GCGR: variants seen among roughly 807,000 people sequenced by gnomAD.
GCGR encodes the protein glucagon receptor.
In GCGR, 41 loss-of-function variants were observed where a neutral mutation model predicts 56.1. The observed-to-expected ratio is 0.73, with a 90% confidence interval of 0.57 to 0.95. The LOEUF is 0.95. Among genes scored for constraint, GCGR ranks in the 40% least tolerant of loss-of-function variants. The pLI is 0.00. For missense variants in GCGR, 595 were observed against 638.2 expected (o/e 0.93, Z 0.73); for synonymous variants, 278 against 271.1 (o/e 1.03, Z -0.25).
chr17:81,811,401 C>T lies in GCGR; in HGVS notation c.501-3C>T. ...GACGGGCGCTGACTGGCTGTGCCCA[C>T]AGCAAGCTGCACTGCACCCGCAATG... On this transcript the variant is annotated splice_polypyrimidine_tract_variant and splice_region_variant and intron_variant, in intron 6 of 13. Transcript: ENST00000400723. This position sits in a 1 kb window ranked among gnomAD's most constrained non-coding sequence, Gnocchi z 5.8. 2.0e-6 allele frequency: 3 copies of T among 1,536,284 alleles called. No homozygotes were observed. Among genetic ancestry groups the T allele is most frequent in the Non-Finnish European group, 2.6e-6 (3 of 1,146,814 alleles).
chr17:81,810,234 C>G lies in GCGR; in HGVS notation c.163+350C>G, dbSNP rs939422845. ...GGCGTGGAAGCTGGGACCCAGGGGC[C>G]TGGGAGGGCTCGGGTGGAGAGTGTA... is the stretch of plus-strand genomic sequence containing the variant. On this transcript the variant is annotated intron_variant, in intron 3 of 13. Coordinates refer to ENST00000400723, the MANE Select transcript of GCGR (RefSeq NM_000160.5). The surrounding 1 kb of genome is among the most constrained non-coding windows in gnomAD (Gnocchi z 4.6). 9.8e-6 allele frequency: 4 copies of G among 410,178 alleles called. No homozygotes were observed. Among genetic ancestry groups the G allele is most frequent in the African/African-American group, 8.2e-5 (4 of 48,792 alleles). 25.4% of individuals were successfully genotyped at this position (410,178 alleles called of 1,614,324 possible).
chr17:81,812,020 A>T lies in GCGR; in HGVS notation c.878+74A>T. On this transcript the variant is annotated intron_variant, in intron 9 of 13. Transcript: ENST00000400723. This position sits in a 1 kb window ranked among gnomAD's most constrained non-coding sequence, Gnocchi z 8.5. ...TGCGGCGCTCTGGCCTGAGGCAGGGAGGGGCCGGGGATGAGCCTGGTGCCT... is the reference window on the plus strand; with the variant it reads ...TGCGGCGCTCTGGCCTGAGGCAGGGTGGGGCCGGGGATGAGCCTGGTGCCT... 6.8e-7 allele frequency: 1 copy of T among 1,475,990 alleles called. No individual in the cohort carries two copies. Among genetic ancestry groups the T allele is most frequent in the Non-Finnish European group, 9.1e-7 (1 of 1,100,746 alleles). 91.4% of individuals were successfully genotyped at this position (1,475,990 alleles called of 1,614,324 possible).
At position 81,811,497 on chromosome 17, in the gene GCGR, C is replaced by T. The variant is rs1429398103; in HGVS notation, c.594C>T (p.Leu198=). 1 of 1,536,510 alleles carries T rather than the reference C, an allele frequency of 6.5e-7. No individual in the cohort carries two copies. The highest frequency in any genetic ancestry group is 2.0e-5 in the Admixed American group (1 of 50,978). The part of the protein sequence containing the change: ...ASSVLVIDGL[L]RTRYSQKIGD... ...CCGTGCTGGTCATTGATGGGCTGCTCAGGACCCGCTACAGCCAGAAAATTG... is the reference window on the plus strand; with the variant it reads ...CCGTGCTGGTCATTGATGGGCTGCTTAGGACCCGCTACAGCCAGAAAATTG... Residue 198 remains leucine (L), a synonymous_variant, in exon 7 of 14, where the codon CTC becomes CTT. Transcript: ENST00000400723. The surrounding 1 kb of genome is among the most constrained non-coding windows in gnomAD (Gnocchi z 5.8).
chr17:81,804,169 G>A lies in GCGR; in HGVS notation c.-258G>A, dbSNP rs546966296. 6.6e-6 allele frequency: 1 copy of A among 151,518 alleles called. No individual in the cohort carries two copies. Among genetic ancestry groups the A allele is most frequent in the African/African-American group, 2.4e-5 (1 of 41,470 alleles). 9.4% of individuals were successfully genotyped at this position (151,518 alleles called of 1,614,324 possible). ...GACCCCGATCTGGCAGCGCCGCGAA[G>A]ACGAGCGGTCACCGGCGCCCGACCC... On this transcript the variant is annotated 5_prime_UTR_variant, in exon 1 of 14. Transcript: ENST00000400723. This position sits in a 1 kb window ranked among gnomAD's most constrained non-coding sequence, Gnocchi z 8.2.
intron 1 of GCGR, among the ~76,000 whole-genome samples, chr17:81,808,225 G>A (rs1258873733): frequency 6.6e-6 from 1 of 152,236 alleles, no homozygotes; most frequent in Non-Finnish European, 1.5e-5. Flanking sequence ...TCCAGGCACC[G>A]CCACCCTCAC....
Position 81,813,001 on chromosome 17 carries a change from A to G in GCGR, c.1177-15A>G, listed in dbSNP as rs2143145667. 6.5e-7 allele frequency: 1 copy of G among 1,535,816 alleles called. No homozygotes were observed. The highest frequency in any genetic ancestry group is 2.4e-5 in the East Asian group (1 of 40,886). ...GGGGCGCAGTGTGCCACCCCTGACC[A>G]CCCTGTCTCTCCAGGGCCTGCTGGT... On this transcript the variant is annotated splice_polypyrimidine_tract_variant and intron_variant, in intron 12 of 13. Coordinates refer to ENST00000400723, the MANE Select transcript of GCGR (RefSeq NM_000160.5). This position sits in a 1 kb window ranked among gnomAD's most constrained non-coding sequence, Gnocchi z 5.3.
chr17:81,809,693 ACCTG>A (rs1444148006), intron 2 of GCGR, 85 bp from the exon 3 acceptor site: 1 of 784,690 alleles, frequency 1.3e-6, no homozygotes, highest in Non-Finnish European at 1.9e-6. Flanking sequence ...CTATCCATCT[ACCTG>A]CCTGCCTGTC....
rs2038128639 is a variant in GCGR, at chr17:81,812,714, C to T, written c.1037+49C>T. ...CTCGAGACCTGGAGACCCTCAGGGC[C>T]AGAGGGCAGCTGGGGGTGGGGACTC... On this transcript the variant is annotated intron_variant, in intron 11 of 13. Transcript: ENST00000400723. This position sits in a 1 kb window ranked among gnomAD's most constrained non-coding sequence, Gnocchi z 8.5. 7 of 1,530,232 alleles carry T rather than the reference C, an allele frequency of 4.6e-6. No homozygotes were observed. The highest frequency in any genetic ancestry group is 5.3e-6 in the Non-Finnish European group (6 of 1,142,330). The allele number at this position is 1,530,232 out of a possible 1,614,324, so 94.8% of individuals were successfully genotyped here.
intron 1 of GCGR, among the ~76,000 whole-genome samples, chr17:81,808,046 A>G (rs906286506): frequency 6.6e-6 from 1 of 152,176 alleles, no homozygotes; most frequent in African/African-American, 2.4e-5. Context: ...AGGAAGCCCA[A>G]CCGAGCCTTG....
In GCGR at chr17:81,811,122, T is replaced by G. The variant is rs181081681; in HGVS notation, c.384T>G (p.Ile128Met). The change falls in exon 5 of 14, where the codon ATT becomes ATG. Residue 128 changes from isoleucine to methionine, a missense_variant. Transcript: ENST00000400723. This position sits in a 1 kb window ranked among gnomAD's most constrained non-coding sequence, Gnocchi z 5.8. ...AGTGCCAGATGGATGGCGAGGAGAT[T>G]GAGGTCCAGGTCAGTGGGCGGCAGG... is the stretch of plus-strand genomic sequence containing the variant. ...ASQCQMDGEE[I>M]EVQKEVAKMY... 82 of 1,536,194 alleles carry G rather than the reference T, an allele frequency of 5.3e-5. No individual in the cohort carries two copies. Among genetic ancestry groups the G allele is most frequent in the East Asian group, 4.9e-5 (2 of 40,908 alleles).
chr17:81,808,904 C>G lies in GCGR; in HGVS notation c.-115C>G, dbSNP rs1277563662. The G allele has an allele frequency of 1.5e-6, 2 of 1,309,182 alleles. No individual in the cohort carries two copies. Among genetic ancestry groups the G allele is most frequent in the Non-Finnish European group, 2.1e-6 (2 of 942,604 alleles). The allele number at this position is 1,309,182 out of a possible 1,614,324, so 81.1% of individuals were successfully genotyped here. A position where few individuals can be genotyped will look rare whatever the true frequency, so the allele number is the denominator to read the frequency against. On this transcript the variant is annotated 5_prime_UTR_variant, in exon 2 of 14. Coordinates refer to ENST00000400723, the MANE Select transcript of GCGR (RefSeq NM_000160.5). ...ACCCCACTGGCCAGGACGCCCCAGG[C>G]TCTGCTGCTCTGCCACTCAGCTGCC...
intron 1 of GCGR, among the ~76,000 whole-genome samples, chr17:81,808,136 C>T (rs1191575546): frequency 6.6e-6 from 1 of 152,260 alleles, no homozygotes; most frequent in Non-Finnish European, 1.5e-5. Flanking sequence ...AGTGTGGGCC[C>T]CACACACTTG....
chr17:81,809,987 C>A, intron 3 of GCGR, 103 bp downstream of exon 3: 1 of 877,234 alleles, frequency 1.1e-6, no homozygotes, highest in Non-Finnish European at 1.8e-6. Flanking sequence ...CTTTGAGGAC[C>A]CCGCCAAGGG....
rs1230787608 is a variant in GCGR, at chr17:81,811,208, A to C, written c.394-14A>C. The C allele has an allele frequency of 5.2e-6, 8 of 1,536,146 alleles. No individual in the cohort carries two copies. The South Asian group carries it at 9.5e-5, about 18-fold the overall frequency. ...GGCCCCTGCCTGGCCCTCACAGGCC[A>C]CTGTAACTCGCAGAAGGAGGTGGCC... On this transcript the variant is annotated splice_polypyrimidine_tract_variant and intron_variant, in intron 5 of 13. Transcript: ENST00000400723. The surrounding 1 kb of genome is among the most constrained non-coding windows in gnomAD (Gnocchi z 5.8).
In GCGR at chr17:81,812,657, C is replaced by T. The variant is rs925818406; in HGVS notation, c.1029C>T (p.Tyr343=). 1.4e-5 allele frequency: 21 copies of T among 1,535,182 alleles called. No homozygotes were observed. The highest frequency in any genetic ancestry group is 2.0e-5 in the Admixed American group (1 of 50,954). ...CACGGCAGATGCACCACACAGACTA[C>T]AAGTTCCGGTGGGTGCCGCGGCAGC... ...LRARQMHHTD[Y]KFRLAKSTLT... Residue 343 remains tyrosine, a synonymous_variant, in exon 11 of 14, where the codon TAC becomes TAT. Coordinates refer to ENST00000400723, the MANE Select transcript of GCGR (RefSeq NM_000160.5). This position sits in a 1 kb window ranked among gnomAD's most constrained non-coding sequence, Gnocchi z 8.5.
In GCGR at chr17:81,811,082, G is replaced by T. The variant is rs1235960477; in HGVS notation, c.344G>T (p.Trp115Leu). The change falls in exon 5 of 14, where the codon TGG (tryptophan) becomes TTG (leucine). Residue 115 changes from tryptophan (W) to leucine (L), a missense_variant. Physicochemically the swap from Trp to Leu is moderately conservative, Grantham distance 61. Coordinates refer to ENST00000400723, the MANE Select transcript of GCGR (RefSeq NM_000160.5). The surrounding 1 kb of genome is among the most constrained non-coding windows in gnomAD (Gnocchi z 5.8). ...QWVRGPRGQP[W>L]RDASQCQMDG... ...GTGCGTGGACCCCGGGGGCAGCCTT[G>T]GCGTGATGCCTCCCAGTGCCAGATG... 1 of 1,536,206 alleles carries T rather than the reference G, an allele frequency of 6.5e-7. No homozygotes were observed. The highest frequency in any genetic ancestry group is 8.7e-7 in the Non-Finnish European group (1 of 1,146,830).
chr17:81,805,745 C>T (rs941941731), intron 1 of GCGR, among the ~76,000 whole-genome samples: 1 of 152,176 alleles, frequency 6.6e-6, no homozygotes, highest in Non-Finnish European at 1.5e-5. Context: ...ACTCCAAGGC[C>T]TGAGAAGGAG....
In GCGR at chr17:81,813,619, G is replaced by T. The variant is rs1414985683; in HGVS notation, c.1364G>T (p.Gly455Val). 2.0e-6 allele frequency: 3 copies of T among 1,536,472 alleles called. No individual in the cohort carries two copies. The East Asian group carries it at 7.3e-5, about 38-fold the overall frequency. Residue 455 changes from glycine to valine, a missense_variant, in exon 14 of 14, where the codon GGC becomes GTC. Physicochemically the swap from Gly to Val is moderately radical, Grantham distance 109. Coordinates refer to ENST00000400723, the MANE Select transcript of GCGR (RefSeq NM_000160.5). This position sits in a 1 kb window ranked among gnomAD's most constrained non-coding sequence, Gnocchi z 5.3. Reference sequence around the variant, plus strand: ...GAGCTGCAGTTTGGGAGGGGTGGTGGCAGCCAGGATTCATCTGCGGAGACC... The same window carrying T: ...GAGCTGCAGTTTGGGAGGGGTGGTGTCAGCCAGGATTCATCTGCGGAGACC... ...SKELQFGRGGGSQDSSAETPL... is the reference protein window; with the variant it reads ...SKELQFGRGGVSQDSSAETPL...
intron 2 of GCGR, among the ~76,000 whole-genome samples, chr17:81,809,318 GTCCATCTGCCTATCCA>G (rs1458583142): frequency 2.7e-5 from 4 of 148,514 alleles, no homozygotes; most frequent in African/African-American, 7.5e-5. Context: ...CTGTCCATCT[GTCCATCTGCCTATCCA>G]TCTGCCTGCC....
Sources: allele counts gnomAD v4.1 joint callset (sites outside exome capture counted in the v4.1 genomes callset), GRCh38; gene constraint gnomAD v4.1.1; non-coding constraint Gnocchi (gnomAD v3.1); transcripts MANE v1.5; gene names NCBI Gene and HGNC (gene_info 2026-07-23, HGNC 2026-07-21).